Variants in TOP1 observed in about 807,000 individuals in gnomAD.
TOP1 encodes the protein DNA topoisomerase I, also known as DNA topoisomerase 1.
Under a neutral mutation model 111.1 loss-of-function variants are expected in TOP1, and 10 were observed. That is an observed-to-expected ratio of 0.09 (90% confidence interval 0.06 to 0.15). TOP1 has a LOEUF of 0.15. TOP1 is among the 10% of genes least tolerant of loss of function. The probability of loss-of-function intolerance (pLI) is 1.00; values close to 1 mark genes in which losing one functional copy is unlikely to be tolerated. For missense variants in TOP1, 474 were observed against 926.7 expected, an observed-to-expected ratio of 0.51 and a Z score of 6.34; for synonymous variants, 271 against 302.9, an observed-to-expected ratio of 0.89 and a Z score of 1.10.
chr20:41,073,848 A>G (rs995970102), intron 3 of TOP1, among the ~76,000 whole-genome samples: 2 of 152,104 alleles, frequency 1.3e-5, no homozygotes, highest in African/African-American at 2.4e-5. Context: ...CTCCCCCACT[A>G]TAGTTGGCAG....
Position 41,092,281 on chromosome 20 carries a change from C to T in TOP1, c.615-191C>T, listed in dbSNP as rs2033929595. ...TCCTTTATTCACCACAGTATTTCATCTTACTTGTGAGCGTTGGCTTTTTCA... is the reference window on the plus strand; with the variant it reads ...TCCTTTATTCACCACAGTATTTCATTTTACTTGTGAGCGTTGGCTTTTTCA... On this transcript the variant is annotated intron_variant, in intron 8 of 20. Coordinates refer to ENST00000361337, the MANE Select transcript of TOP1 (RefSeq NM_003286.4). The surrounding 1 kb of genome is among the most constrained non-coding windows in gnomAD (Gnocchi z 4.3). Among the ~76,000 whole-genome samples, 1 of 152,186 alleles carries T rather than the reference C, an allele frequency of 6.6e-6. No individual in the cohort carries two copies. The highest frequency in any genetic ancestry group is 1.5e-5 in the Non-Finnish European group (1 of 68,040).
At chr20:41,111,912 G>T (rs543684783) in intron 13 of TOP1, among the ~76,000 whole-genome samples, 2 of 152,072 alleles carry the variant, frequency 1.3e-5, no homozygotes, top group Non-Finnish European at 2.9e-5. Context: ...GCTCTTGCTT[G>T]TGAGTCTATT....
Position 41,029,126 on chromosome 20 carries a change from C to A in TOP1, c.33+26C>A. On this transcript the variant is annotated intron_variant, in intron 1 of 20. Transcript: ENST00000361337. This position sits in a 1 kb window ranked among gnomAD's most constrained non-coding sequence, Gnocchi z 6.1. ...GTACGGCCCGGCCTGACCCTGGCGG[C>A]CCCGGACCCCGGCCTGGCCGTCCCG... is the stretch of plus-strand genomic sequence containing the variant. The A allele has an allele frequency of 1.4e-6, 2 of 1,471,020 alleles. No individual in the cohort carries two copies. The highest frequency in any genetic ancestry group is 1.3e-5 in the South Asian group (1 of 76,668). The allele number at this position is 1,471,020 out of a possible 1,614,324, so 91.1% of individuals were successfully genotyped here. A position where few individuals can be genotyped will look rare whatever the true frequency, so the allele number is the denominator to read the frequency against.
rs368935571 is a variant in TOP1, at chr20:41,115,361, T to C, written c.1639-10T>C. ...AAGAGTAATAATTAGGATTCACTTA[T>C]ATCTTTTAGGTTTTTAAGAACCTAC... On this transcript the variant is annotated splice_polypyrimidine_tract_variant and intron_variant, in intron 15 of 20. Coordinates refer to ENST00000361337, the MANE Select transcript of TOP1 (RefSeq NM_003286.4). The surrounding 1 kb of genome is among the most constrained non-coding windows in gnomAD (Gnocchi z 6.3). 14 of 1,597,170 alleles carry C rather than the reference T, an allele frequency of 8.8e-6. No individual in the cohort carries two copies. The highest frequency in any genetic ancestry group is 2.2e-5 in the East Asian group (1 of 44,832).
rs774961882 is a variant in TOP1 at position 41,076,933 on chromosome 20, ATG to A, written c.280-639_280-638del. ...TTCCATAGATACTCTGTATATCTGT[ATG>A]TGTGTGTGTATCCCTTTGTGTGTAT... On this transcript the variant is annotated intron_variant, in intron 4 of 20. Transcript: ENST00000361337. Among the ~76,000 whole-genome samples the A allele has an allele frequency of 3.6e-4, 55 of 152,120 alleles. 2 individuals carry two copies. The East Asian group carries it at 4.2e-3, about 12-fold the overall frequency.
intron 2 of TOP1, among the ~76,000 whole-genome samples, chr20:41,053,696 G>A (rs1355534383): frequency 4.6e-5 from 7 of 152,176 alleles, no homozygotes; most frequent in South Asian, 4.1e-4. Flanking sequence ...GTTAATTGAC[G>A]TTCGAAAATT....
Position 41,079,974 on chromosome 20 carries a change from G to A in TOP1, c.336-111G>A. 1.4e-6 allele frequency: 1 copy of A among 706,132 alleles called. No individual in the cohort carries two copies. Among genetic ancestry groups the A allele is most frequent in the Non-Finnish European group, 2.5e-6 (1 of 400,056 alleles). 43.7% of individuals were successfully genotyped at this position (706,132 alleles called of 1,614,324 possible). ...CAGAACATCTTCATGATATGTACGT[G>A]GTTATCCTTATTTCTGTTAGCTTCT... On this transcript the variant is annotated intron_variant, in intron 5 of 20. Coordinates refer to ENST00000361337, the MANE Select transcript of TOP1 (RefSeq NM_003286.4). The surrounding 1 kb of genome is among the most constrained non-coding windows in gnomAD (Gnocchi z 4.0).
At chr20:41,037,430 CAG>C (rs2033203272) in intron 2 of TOP1, among the ~76,000 whole-genome samples, 1 of 152,142 alleles carries the variant, frequency 6.6e-6, no homozygotes, top group South Asian at 2.1e-4. Context: ...TTAAATTAAA[CAG>C]AGAACTCTCA....
At chr20:41,076,139 G>C (rs372388203) in intron 3 of TOP1, 32 bp from the exon 4 acceptor site, 1 of 1,598,092 alleles carries the variant, frequency 6.3e-7, no homozygotes, top group East Asian at 2.2e-5. Flanking sequence ...TCCCTACTCT[G>C]GGCTAACGCT....
At position 41,094,378 on chromosome 20, in the gene TOP1, G is replaced by A. The variant is rs150327837; in HGVS notation, c.730+1791G>A. 3.9e-5 allele frequency among the ~76,000 whole-genome samples: 6 copies of A among 152,288 alleles called. No individual in the cohort carries two copies. Among genetic ancestry groups the A allele is most frequent in the South Asian group, 2.1e-4 (1 of 4,826 alleles). On this transcript the variant is annotated intron_variant, in intron 9 of 20. Coordinates refer to ENST00000361337, the MANE Select transcript of TOP1 (RefSeq NM_003286.4). This position sits in a 1 kb window ranked among gnomAD's most constrained non-coding sequence, Gnocchi z 4.4. ...CACCATCTCAAAGCGTAGGTATTCC[G>A]TAGGCCTGGTCTGGACTTACCAAGA...
rs932341716 is a variant in TOP1, at chr20:41,061,376, C to T, written c.59-18C>T. 6.2e-7 allele frequency: 1 copy of T among 1,612,382 alleles called. No individual in the cohort carries two copies. Among genetic ancestry groups the T allele is most frequent in the Non-Finnish European group, 8.5e-7 (1 of 1,178,796 alleles). On this transcript the variant is annotated intron_variant, in intron 2 of 20. Coordinates refer to ENST00000361337, the MANE Select transcript of TOP1 (RefSeq NM_003286.4). The surrounding 1 kb of genome is among the most constrained non-coding windows in gnomAD (Gnocchi z 4.6). Reference sequence around the variant, plus strand: ...AGCTCATGACTCCTGTTAACTGACTCATCTCTTATGGTTGCAGATTCTCAT... The same window carrying T: ...AGCTCATGACTCCTGTTAACTGACTTATCTCTTATGGTTGCAGATTCTCAT...
intron 13 of TOP1, among the ~76,000 whole-genome samples, chr20:41,104,449 T>C (rs750545468): frequency 9.9e-5 from 15 of 152,180 alleles, no homozygotes; most frequent in African/African-American, 3.6e-4. Context: ...TGAGTACTTG[T>C]ACAGGTAAGG....
chr20:41,076,192 G>A lies in TOP1; in HGVS notation c.177G>A (p.Lys59=), dbSNP rs2033725511. Residue 59 remains lysine (K), a synonymous_variant, in exon 4 of 21, where the codon AAG becomes AAA. Transcript: ENST00000361337. ...HSNSEHKDSE[K]KHKEKEKTKH... ...ACAGTGAACATAAAGATTCTGAAAA[G>A]AAACACAAAGAGAAGGAGAAGACCA... The A allele has an allele frequency of 1.2e-6, 2 of 1,609,150 alleles. No individual in the cohort carries two copies. The highest frequency in any genetic ancestry group is 1.7e-6 in the Non-Finnish European group (2 of 1,176,528).
chr20:41,045,895 G>A (rs2033327520), intron 2 of TOP1, among the ~76,000 whole-genome samples: 1 of 152,202 alleles, frequency 6.6e-6, no homozygotes, highest in South Asian at 2.1e-4. Flanking sequence ...GCACGCTCAT[G>A]ACCAGTGTAG....
chr20:41,030,970 TGGG>T lies in TOP1; in HGVS notation c.58+1518_58+1520del, dbSNP rs1489549467. On this transcript the variant is annotated intron_variant, in intron 2 of 20. Transcript: ENST00000361337. The surrounding 1 kb of genome is among the most constrained non-coding windows in gnomAD (Gnocchi z 4.1). ...CTCCCTTGCTCTCAATTCAGTCTAT[TGGG>T]GGAGACATAATTAGTTAATTATAAG... 6.6e-6 allele frequency among the ~76,000 whole-genome samples: 1 copy of T among 152,166 alleles called. No homozygotes were observed. Among genetic ancestry groups the T allele is most frequent in the Non-Finnish European group, 1.5e-5 (1 of 68,028 alleles).
Position 41,029,380 on chromosome 20 carries a change from G to T in TOP1, c.34-51G>T. ...ACCCCGGCCGCGCGCGCTCGCCGCCGGAGGGGTTAAAGTGGCTGTTGTTTG... is the reference window on the plus strand; with the variant it reads ...ACCCCGGCCGCGCGCGCTCGCCGCCTGAGGGGTTAAAGTGGCTGTTGTTTG... On this transcript the variant is annotated intron_variant, in intron 1 of 20. Transcript: ENST00000361337. The surrounding 1 kb of genome is among the most constrained non-coding windows in gnomAD (Gnocchi z 6.1). 7.0e-7 allele frequency: 1 copy of T among 1,432,886 alleles called. No individual in the cohort carries two copies. The highest frequency in any genetic ancestry group is 2.8e-5 in the East Asian group (1 of 36,288). 88.8% of individuals were successfully genotyped at this position (1,432,886 alleles called of 1,614,324 possible). A position where few individuals can be genotyped will look rare whatever the true frequency, so the allele number is the denominator to read the frequency against.
intron 2 of TOP1, among the ~76,000 whole-genome samples, chr20:41,035,657 C>T (rs1220701693): frequency 1.3e-5 from 2 of 152,168 alleles, no homozygotes; most frequent in Non-Finnish European, 1.5e-5. Flanking sequence ...TTAGCACACG[C>T]TAGCAAAGAT....
intron 8 of TOP1, among the ~76,000 whole-genome samples, chr20:41,086,966 C>T (rs908238108): frequency 6.6e-6 from 1 of 152,216 alleles, no homozygotes; most frequent in Non-Finnish European, 1.5e-5. Flanking sequence ...TCCTCAGTGA[C>T]TGCCACTGAT....
intron 3 of TOP1, chr20:41,072,712 G>A (rs1052964843): frequency 2.2e-5 from 22 of 985,278 alleles, no homozygotes; most frequent in Non-Finnish European, 2.5e-5. Context: ...GTGGAGGCAG[G>A]GACGGTAACA....
Sources: gnomAD v4.1 joint callset for allele counts (sites outside exome capture counted in the v4.1 genomes callset) on GRCh38, gnomAD v4.1.1 for gene constraint, Gnocchi (gnomAD v3.1) non-coding constraint, MANE v1.5 for transcripts, NCBI Gene and HGNC (gene_info 2026-07-23, HGNC 2026-07-21) for gene names.